NAV2: variants seen among roughly 807,000 people sequenced by gnomAD.
The protein encoded by NAV2 is neuron navigator 2, also known as helicase, APC down-regulated 1.
A neutral mutation model predicts 223.2 loss-of-function variants in NAV2; 54 were observed. The ratio of observed to expected loss-of-function variants is 0.24; its 90% CI spans 0.19 to 0.30. NAV2 has a LOEUF of 0.30. NAV2 is among the 10% of genes least tolerant of loss of function. The pLI, the probability that NAV2 is intolerant of heterozygous loss-of-function variation, is 1.00. For synonymous variants in NAV2, 1,279 were observed against 1,239.3 expected (o/e 1.03, Z -0.67); for missense variants, 2,806 against 3,147.5 (o/e 0.89, Z 2.60).
chr11:19,968,361 C>T lies in NAV2; in HGVS notation c.2646-15764C>T, dbSNP rs531368578. ...CCTCCCAAGTAGCTGGGATTACAGG[C>T]ACATACCACCACACTCAACTAATTT... On this transcript the variant is annotated intron_variant, in intron 10 of 37. Coordinates refer to ENST00000349880, the MANE Select transcript of NAV2 (RefSeq NM_145117.5). Among the ~76,000 whole-genome samples the T allele has an allele frequency of 7.9e-5, 12 of 152,226 alleles. No homozygotes were observed. The East Asian group carries it at 2.3e-3, about 29-fold the overall frequency.
At chr11:19,468,966 C>A (rs1174178249) in intron 1 of NAV2, among the ~76,000 whole-genome samples, 1 of 152,068 alleles carries the variant, frequency 6.6e-6, no homozygotes, top group African/African-American at 2.4e-5. Context: ...TTGAGATAAC[C>A]AAACTTAACT....
intron 10 of NAV2, among the ~76,000 whole-genome samples, chr11:19,953,363 C>T (rs926428564): frequency 6.6e-6 from 1 of 152,198 alleles, no homozygotes; most frequent in African/African-American, 2.4e-5. Context: ...GACTTGCCCC[C>T]GGCCACATTT....
chr11:19,413,951 GTC>G (rs1850254560), intron 1 of NAV2, among the ~76,000 whole-genome samples: 9 of 152,106 alleles, frequency 5.9e-5, no homozygotes, highest in Non-Finnish European at 1.0e-4. Context: ...ACCAATACCA[GTC>G]CCTGCAAAAA....
chr11:19,451,093 G>A (rs1416630030), intron 1 of NAV2, among the ~76,000 whole-genome samples: 2 of 152,128 alleles, frequency 1.3e-5, no homozygotes, highest in Non-Finnish European at 2.9e-5. Context: ...GAGAGCTTTA[G>A]CTGTCCCCAG....
intron 1 of NAV2, among the ~76,000 whole-genome samples, chr11:19,588,604 T>C (rs1441279270): frequency 6.6e-6 from 1 of 152,026 alleles, no homozygotes; most frequent in Non-Finnish European, 1.5e-5. Context: ...ACAGAAGAAG[T>C]GGTACACAAC....
intron 1 of NAV2, among the ~76,000 whole-genome samples, chr11:19,352,949 G>A (rs958741476): frequency 4.6e-5 from 7 of 152,184 alleles, no homozygotes; most frequent in East Asian, 1.9e-4. Flanking sequence ...CCCCATTTGC[G>A]TCAAGTGTGA....
chr11:19,889,047 C>G (rs570563191), intron 5 of NAV2, among the ~76,000 whole-genome samples: 1 of 152,204 alleles, frequency 6.6e-6, no homozygotes, highest in Non-Finnish European at 1.5e-5. Flanking sequence ...GTCCAGTGGC[C>G]TCCCAGGTTT....
At chr11:19,755,454 A>G (rs930556222) in intron 1 of NAV2, among the ~76,000 whole-genome samples, 16 of 152,226 alleles carry the variant, frequency 1.1e-4, no homozygotes, top group African/African-American at 3.9e-4. Context: ...ATAAGAAAAT[A>G]CCATGAACTG....
intron 10 of NAV2, among the ~76,000 whole-genome samples, chr11:19,950,559 G>C (rs4757019): frequency 0.28 from 42,444 of 152,204 alleles, 6,189 homozygotes; most frequent in Middle Eastern, 0.41. Context: ...TCTGTGACTA[G>C]AAGTGTTCTT....
At chr11:19,822,961 G>T (rs548373163) in intron 1 of NAV2, among the ~76,000 whole-genome samples, 1 of 152,128 alleles carries the variant, frequency 6.6e-6, no homozygotes, top group Non-Finnish European at 1.5e-5. Context: ...CAGCTCAAAG[G>T]CGTGTCACAA....
At chr11:19,573,978 G>A (rs1364208861) in intron 1 of NAV2, among the ~76,000 whole-genome samples, 2 of 152,220 alleles carry the variant, frequency 1.3e-5, no homozygotes, top group African/African-American at 4.8e-5. Context: ...CTAGAACCAT[G>A]GCCTGGGGCA....
chr11:19,347,410 G>A (rs76167462), upstream of NAV2, among the ~76,000 whole-genome samples: 6,369 of 152,144 alleles, frequency 0.042, 436 homozygotes, highest in African/African-American at 0.14. Context: ...TTTAACCTCC[G>A]TCCCACCCAA....
chr11:19,755,138 C>T (rs2152514603), intron 1 of NAV2, among the ~76,000 whole-genome samples: 1 of 152,322 alleles, frequency 6.6e-6, no homozygotes, highest in Admixed American at 6.5e-5. Flanking sequence ...GCAATGTCTT[C>T]CCCAAGAAAA....
intron 1 of NAV2, among the ~76,000 whole-genome samples, chr11:19,658,415 T>C (rs1156824699): frequency 6.6e-6 from 1 of 152,188 alleles, no homozygotes; most frequent in African/African-American, 2.4e-5. Context: ...GGAGGCTATG[T>C]GGTTTGTTCA....
At chr11:19,413,231 T>C (rs1850221404) in intron 1 of NAV2, among the ~76,000 whole-genome samples, 1 of 151,998 alleles carries the variant, frequency 6.6e-6, no homozygotes, top group African/African-American at 2.4e-5. Context: ...AAAGCATAAA[T>C]GACCTGATGG....
chr11:19,441,519 C>G (rs933385786), intron 1 of NAV2, among the ~76,000 whole-genome samples: 1 of 151,910 alleles, frequency 6.6e-6, no homozygotes, highest in Admixed American at 6.6e-5. Context: ...GCAGTAAGAG[C>G]ATGAAACTGA....
chr11:20,112,156 C>T (rs544782427), intron 36 of NAV2, among the ~76,000 whole-genome samples: 1 of 152,292 alleles, frequency 6.6e-6, no homozygotes, highest in East Asian at 1.9e-4. Flanking sequence ...TGTGGAGCAG[C>T]CTTCTTCTGC....
intron 3 of NAV2, among the ~76,000 whole-genome samples, chr11:19,851,711 C>T (rs1016075932): frequency 3.9e-5 from 6 of 152,190 alleles, no homozygotes; most frequent in South Asian, 2.1e-4. Flanking sequence ...TCAAAAAGTA[C>T]GCCCTCAGTG....
At chr11:19,892,904 C>T (rs975179072) in intron 6 of NAV2, among the ~76,000 whole-genome samples, 1 of 152,066 alleles carries the variant, frequency 6.6e-6, no homozygotes, top group African/African-American at 2.4e-5. Flanking sequence ...GAATATGTTC[C>T]ATATATTAAG....
Sources: allele counts gnomAD v4.1 joint callset (sites outside exome capture counted in the v4.1 genomes callset), GRCh38; gene constraint gnomAD v4.1.1; transcripts MANE v1.5; gene names NCBI Gene and HGNC (gene_info 2026-07-23, HGNC 2026-07-21).